CCDC93: variants seen among roughly 807,000 people sequenced by gnomAD.
CCDC93 encodes CCC complex scaffolding subunit CCDC93.
CCDC93 carries 61 observed loss-of-function variants against 108.2 expected under a neutral mutation model. The observed-to-expected ratio is 0.56, with a 90% CI of 0.46 to 0.70. The LOEUF (loss-of-function observed/expected upper bound fraction) is 0.70, where lower values mean the gene tolerates loss of function less well. CCDC93 is among the 30% of genes least tolerant of loss of function. The probability of loss-of-function intolerance (pLI) is 0.00; values close to 1 mark genes in which losing one functional copy is unlikely to be tolerated. For synonymous variants in CCDC93, 276 were observed against 260.4 expected (o/e 1.06, Z -0.58); for missense variants, 685 against 764.2 (o/e 0.90, Z 1.22).
In CCDC93 at chr2:118,006,736, C is replaced by T. The variant is rs751589481; in HGVS notation, c.237G>A (p.Thr79=). 7.5e-6 allele frequency: 12 copies of T among 1,606,724 alleles called. No homozygotes were observed. The highest frequency in any genetic ancestry group is 6.7e-5 in the African/African-American group (5 of 74,782). The part of the protein sequence containing the change: ...DVDLLFQENS[T]IGQKIALSEK... ...GAAAAACTTACATTTTTTGACCTATCGTAGAGTTTTCTTGAAAGAGCAAAT... is the reference window on the plus strand; with the variant it reads ...GAAAAACTTACATTTTTTGACCTATTGTAGAGTTTTCTTGAAAGAGCAAAT... The change falls in exon 3 of 24, where the codon ACG becomes ACA. Residue 79 remains threonine, a synonymous_variant. Coordinates refer to ENST00000376300, the MANE Select transcript of CCDC93 (RefSeq NM_019044.5).
rs1677707735 is a variant in CCDC93, at chr2:117,917,030, T to C, written c.*3313A>G. 1 of 152,228 alleles carries C rather than the reference T, an allele frequency of 6.6e-6. No individual in the cohort carries two copies. The highest frequency in any genetic ancestry group is 6.5e-5 in the Admixed American group (1 of 15,290). The allele number at this position is 152,228 out of a possible 1,614,324, so 9.4% of individuals were successfully genotyped here. On this transcript the variant is annotated 3_prime_UTR_variant, in exon 24 of 24. Transcript: ENST00000376300. ...CAGCCATGAGTAAATCATAAAGTGC[T>C]TCCTTAAAGTGTTCTTCCTCAATGC...
intron 4 of CCDC93, chr2:117,996,720 A>G (rs1433133801): frequency 6.1e-6 from 1 of 163,942 alleles, no homozygotes; most frequent in Non-Finnish European, 1.3e-5. Context: ...CACCTGAAGC[A>G]CAAAACAAAC....
intron 17 of CCDC93, 111 bp from the exon 18 acceptor site, chr2:117,944,197 T>G: frequency 3.0e-6 from 2 of 674,940 alleles, no homozygotes; most frequent in Non-Finnish European, 4.8e-6. Context: ...CCTAAGGCCT[T>G]AAATTTCTCT....
At chr2:117,942,317 C>T (rs372422224) in intron 18 of CCDC93, among the ~76,000 whole-genome samples, 111 of 152,282 alleles carry the variant, frequency 7.3e-4, no homozygotes, top group African/African-American at 2.6e-3. Flanking sequence ...CCTTAAAAAG[C>T]CCTTCTTTAA....
At chr2:117,921,717 T>C (rs150255729) in intron 23 of CCDC93, 28 of 152,370 alleles carry the variant, frequency 1.8e-4, no homozygotes, top group African/African-American at 6.3e-4. Context: ...CTTTTGGCAG[T>C]GTGATGGCAG....
intron 2 of CCDC93, among the ~76,000 whole-genome samples, 162 bp from the exon 3 acceptor site, chr2:118,006,978 C>T (rs953353683): frequency 1.3e-5 from 2 of 152,120 alleles, no homozygotes; most frequent in African/African-American, 2.4e-5. Context: ...CCATCAAGTA[C>T]AATTAATCTA....
At position 117,917,286 on chromosome 2, in the gene CCDC93, TCAA is replaced by T. The variant is rs936882179; in HGVS notation, c.*3054_*3056del. On this transcript the variant is annotated 3_prime_UTR_variant, in exon 24 of 24. Coordinates refer to ENST00000376300, the MANE Select transcript of CCDC93 (RefSeq NM_019044.5). ...AGAGACGTACTGGGGCCTGACAACA[TCAA>T]CAACGTCACAACCCTGAGGTCTGAG... 7 of 152,660 alleles carry T rather than the reference TCAA, an allele frequency of 4.6e-5. No homozygotes were observed. The highest frequency in any genetic ancestry group is 1.7e-4 in the African/African-American group (7 of 41,406). 9.5% of individuals were successfully genotyped at this position (152,660 alleles called of 1,614,324 possible).
In CCDC93 at chr2:118,008,577, C is replaced by T. The variant is rs1441562401; in HGVS notation, c.124G>A (p.Ala42Thr). Residue 42 changes from alanine (A) to threonine (T), a missense_variant, in exon 2 of 24, where the codon GCA (alanine) becomes ACA (threonine). By Grantham distance (58) the Ala-to-Thr change is moderately conservative. Transcript: ENST00000376300. ...AAGGGTGATAAGCCTTTAATTCTTGCCCTGAAATACCCAGCTGCAACCAAG... is the reference window on the plus strand; with the variant it reads ...AAGGGTGATAAGCCTTTAATTCTTGTCCTGAAATACCCAGCTGCAACCAAG... ...ELLVAAGYFR[A>T]RIKGLSPFDK... 6.2e-7 allele frequency: 1 copy of T among 1,611,996 alleles called. No homozygotes were observed. The highest frequency in any genetic ancestry group is 8.5e-7 in the Non-Finnish European group (1 of 1,178,118).
chr2:117,939,172 C>A, intron 19 of CCDC93, 61 bp from the exon 20 acceptor site: 1 of 1,008,504 alleles, frequency 9.9e-7, no homozygotes, highest in Non-Finnish European at 1.5e-6. Context: ...CCTACCTGCC[C>A]CTCTCCTCCA....
intron 13 of CCDC93, chr2:117,949,849 C>T (rs1678997942): frequency 8.1e-6 from 8 of 985,206 alleles, no homozygotes; most frequent in Non-Finnish European, 9.6e-6. Flanking sequence ...CCTCACAGGC[C>T]AAAAAGGATG....
At chr2:117,994,338 T>C (rs1390446471) in intron 6 of CCDC93, among the ~76,000 whole-genome samples, 1 of 152,230 alleles carries the variant, frequency 6.6e-6, no homozygotes, top group Non-Finnish European at 1.5e-5. Context: ...TGTTATTGTT[T>C]AATACTGCCA....
At chr2:117,947,999 T>C (rs905232642) in intron 15 of CCDC93, 106 bp downstream of exon 15, 2 of 914,114 alleles carry the variant, frequency 2.2e-6, no homozygotes, top group Non-Finnish European at 3.5e-6. Flanking sequence ...TGGCCAAATC[T>C]GCTTTTTAAA....
At chr2:117,977,773 A>C (rs1437473267) in intron 8 of CCDC93, among the ~76,000 whole-genome samples, 3 of 151,848 alleles carry the variant, frequency 2.0e-5, no homozygotes, top group African/African-American at 7.3e-5. Flanking sequence ...ACTTTCAATC[A>C]CCCCTCATTT....
chr2:117,928,192 T>C (rs1035519907), intron 23 of CCDC93, among the ~76,000 whole-genome samples: 5 of 152,184 alleles, frequency 3.3e-5, no homozygotes, highest in East Asian at 1.9e-4. Flanking sequence ...ATTCAGGACA[T>C]AGGCATGGGC....
intron 11 of CCDC93, among the ~76,000 whole-genome samples, chr2:117,962,360 T>C (rs749514128): frequency 6.6e-5 from 10 of 152,180 alleles, no homozygotes; most frequent in Non-Finnish European, 1.2e-4. Flanking sequence ...TAAGGACAAG[T>C]AGGCTGGGCG....
chr2:117,965,958 C>T (rs145702479), intron 11 of CCDC93, among the ~76,000 whole-genome samples: 95 of 152,192 alleles, frequency 6.2e-4, no homozygotes, highest in African/African-American at 2.2e-3. Context: ...AGACTTCATA[C>T]GTTTGGAAAA....
At chr2:117,944,668 G>A in intron 17 of CCDC93, 1 of 464,072 alleles carries the variant, frequency 2.2e-6, no homozygotes, top group South Asian at 1.6e-5. Context: ...AGTTACAAAA[G>A]GGGTCAAAGG....
At chr2:117,920,777 T>G (rs747599117) in intron 23 of CCDC93, among the ~76,000 whole-genome samples, 4 of 152,024 alleles carry the variant, frequency 2.6e-5, no homozygotes, top group East Asian at 1.9e-4. Context: ...TAAAAAGAGA[T>G]AAAAGGGAGC....
intron 4 of CCDC93, chr2:117,998,730 A>T (rs1680744826): frequency 6.6e-6 from 1 of 152,144 alleles, no homozygotes; most frequent in Non-Finnish European, 1.5e-5. Flanking sequence ...CCAAAGTCCT[A>T]GTTAAAAACG....
Sources: gnomAD v4.1 joint callset for allele counts (sites outside exome capture counted in the v4.1 genomes callset) on GRCh38, gnomAD v4.1.1 for gene constraint, MANE v1.5 for transcripts, NCBI Gene and HGNC (gene_info 2026-07-23, HGNC 2026-07-21) for gene names.